The following FAT2 variants were observed in gnomAD, a reference collection of about 807,000 sequenced individuals.
The protein encoded by FAT2 is protocadherin Fat 2.
Under a neutral mutation model 295.3 loss-of-function variants are expected in FAT2, and 150 were observed. The ratio of observed to expected loss-of-function variants is 0.51; its 90% CI spans 0.44 to 0.58. The LOEUF is 0.58. Among genes scored for constraint, FAT2 ranks in the 20% least tolerant of loss-of-function variants. FAT2 has a pLI of 0.00. For missense variants in FAT2, 4,868 were observed against 5,442.7 expected (o/e 0.89, Z 3.32); for synonymous variants, 2,026 against 2,150.3 (o/e 0.94, Z 1.60).
At chr5:151,509,214 C>G (rs190424086) in intron 22 of FAT2, among the ~76,000 whole-genome samples, 2 of 152,328 alleles carry the variant, frequency 1.3e-5, no homozygotes, top group East Asian at 3.9e-4. Flanking sequence ...TTTCAGACTG[C>G]AGCAAGGACC....
chr5:151,559,447 G>A (rs1489739172), intron 3 of FAT2, among the ~76,000 whole-genome samples: 1 of 152,086 alleles, frequency 6.6e-6, no homozygotes, highest in Admixed American at 6.5e-5. Context: ...AGGGCCTGGG[G>A]TCCCCCAGGA....
rs375398312 is a variant in FAT2 at position 151,551,604 on chromosome 5, C to T, written c.4159G>A (p.Gly1387Arg). 6.2e-7 allele frequency: 1 copy of T among 1,614,128 alleles called. No homozygotes were observed. The highest frequency in any genetic ancestry group is 1.1e-5 in the South Asian group (1 of 91,074). Reference sequence around the variant, plus strand: ...ATGTCAAAGTCCATGTCCTTATCCCCACCTAGAGTGGGAGTGGGGAGAAAG... The same window carrying T: ...ATGTCAAAGTCCATGTCCTTATCCCTACCTAGAGTGGGAGTGGGGAGAAAG... ...PGLFWFNISG[G>R]DKDMDFDIEK... Residue 1387 changes from glycine to arginine, a missense_variant and splice_region_variant, in exon 7 of 24, where the codon GGG becomes AGG. Gly to Arg is a moderately radical substitution (Grantham distance 125, BLOSUM62 -2). Around this residue, in one of 5 missense-constraint regions of FAT2, gnomAD observed 3,297 missense variants for 3,669.4 expected, o/e 0.90. Coordinates refer to ENST00000261800, the MANE Select transcript of FAT2 (RefSeq NM_001447.3).
Position 151,544,752 on chromosome 5 carries a change from T to A in FAT2, c.6375A>T (p.Ile2125=). 6.2e-7 allele frequency: 1 copy of A among 1,614,194 alleles called. No individual in the cohort carries two copies. The highest frequency in any genetic ancestry group is 8.5e-7 in the Non-Finnish European group (1 of 1,180,038). ...YFRIDPYLGD[I]SLKKPFDYQA... The stretch of plus-strand genomic sequence containing the variant: ...GATAATCAAAGGGTTTCTTGAGTGA[T>A]ATGTCCCCAAGATAGGGGTCAATTC... Residue 2125 remains isoleucine (I), a synonymous_variant, in exon 10 of 24, where the codon ATA becomes ATT. Coordinates refer to ENST00000261800, the MANE Select transcript of FAT2 (RefSeq NM_001447.3).
intron 11 of FAT2, among the ~76,000 whole-genome samples, chr5:151,539,372 G>A (rs563129424): frequency 6.6e-6 from 1 of 152,326 alleles, no homozygotes; most frequent in South Asian, 2.1e-4. Context: ...GCAAGTCGAA[G>A]TTTGTATATA....
At position 151,543,102 on chromosome 5, in the gene FAT2, C is replaced by T. The variant is rs61743244; in HGVS notation, c.8025G>A (p.Val2675=). ...TAGGAACCACCTGAAGTCGTACTGG[C>T]ACCAGAGAGTTCCAGTGAGGAGGGC... The part of the protein sequence containing the change: ...DGGPPHWNSL[V]PVRLQVVPKK... Residue 2675 remains valine, a synonymous_variant, in exon 10 of 24, where the codon GTG becomes GTA. Coordinates refer to ENST00000261800, the MANE Select transcript of FAT2 (RefSeq NM_001447.3). The T allele has an allele frequency of 6.0e-4, 975 of 1,614,196 alleles. 5 individuals are homozygous for T. In the African/African-American group the frequency reaches 0.011, roughly 19 times the overall value.
chr5:151,577,367 T>C (rs1399062420), intron 1 of FAT2, among the ~76,000 whole-genome samples: 1 of 152,226 alleles, frequency 6.6e-6, no homozygotes, highest in Non-Finnish European at 1.5e-5. Context: ...CATTCATTCA[T>C]TTAATACTCA....
intron 4 of FAT2, among the ~76,000 whole-genome samples, chr5:151,555,085 CAT>C (rs1232384901): frequency 2.0e-5 from 3 of 152,186 alleles, no homozygotes; most frequent in African/African-American, 7.2e-5. Context: ...TTGAGTCAGA[CAT>C]GTGCACGTGG....
In FAT2 at chr5:151,566,709, G is replaced by T. The variant is rs201221295; in HGVS notation, c.2223C>A (p.Asp741Glu). Residue 741 changes from aspartate to glutamate, a missense_variant, in exon 2 of 24, where the codon GAC (aspartate) becomes GAA (glutamate). By Grantham distance (45) the Asp-to-Glu change is conservative. Around this residue, in one of 5 missense-constraint regions of FAT2, gnomAD observed 3,297 missense variants for 3,669.4 expected, o/e 0.90. Coordinates refer to ENST00000261800, the MANE Select transcript of FAT2 (RefSeq NM_001447.3). Reference sequence around the variant, plus strand: ...GTTTGCCATTAAAACCAGCATCAGGGTCAGTGGCTGCTAGGCGGGCCAAGG... The same window carrying T: ...GTTTGCCATTAAAACCAGCATCAGGTTCAGTGGCTGCTAGGCGGGCCAAGG... ...NTPLARLAATDPDAGFNGKLV... is the reference protein window; with the variant it reads ...NTPLARLAATEPDAGFNGKLV... The T allele has an allele frequency of 6.2e-7, 1 of 1,614,162 alleles. No individual in the cohort carries two copies.
rs756038214 is a variant in FAT2, at chr5:151,554,557, G to A, written c.3750C>T (p.Arg1250=). ...ACACAGGGCTCAGCCTCTCTGGAAG[G>A]CGGACATTGAAGAGCTTGTGGGAGA... is the stretch of plus-strand genomic sequence containing the variant. ...PIFSHKLFNV[R]LPERLSPVSP... The change falls in exon 5 of 24, where the codon CGC becomes CGT. Residue 1250 remains arginine, a synonymous_variant. Coordinates refer to ENST00000261800, the MANE Select transcript of FAT2 (RefSeq NM_001447.3). The A allele has an allele frequency of 4.3e-6, 7 of 1,614,194 alleles. No homozygotes were observed. In the South Asian group the frequency reaches 6.6e-5, roughly 15 times the overall value.
At chr5:151,528,306 G>C (rs1754238124) in intron 15 of FAT2, among the ~76,000 whole-genome samples, 173 bp from the exon 16 acceptor site, 1 of 152,154 alleles carries the variant, frequency 6.6e-6, no homozygotes, top group South Asian at 2.1e-4. Flanking sequence ...GTGGACTTCA[G>C]CATGCCATGG....
intron 11 of FAT2, 55 bp downstream of exon 11, chr5:151,540,512 T>C (rs2127601951): frequency 7.1e-7 from 1 of 1,410,322 alleles, no homozygotes; most frequent in Non-Finnish European, 9.7e-7. Context: ...CTCCCACCCC[T>C]CACTCTTATC....
chr5:151,509,927 C>T, intron 22 of FAT2, 94 bp downstream of exon 22: 1 of 1,431,142 alleles, frequency 7.0e-7, no homozygotes, highest in Non-Finnish European at 9.6e-7. Flanking sequence ...CTGCAGCACT[C>T]TCCCCTGGCC....
chr5:151,546,449 C>CATATAGTGTATACCCACCCTGG (rs1756642332), intron 9 of FAT2, 112 bp from the exon 10 acceptor site: 4 of 706,286 alleles, frequency 5.7e-6, no homozygotes, highest in South Asian at 5.6e-5. Context: ...GCAAAATCTG[C>CATATAGTGTATACCCACCCTGG]ATATAGTGTA....
chr5:151,507,757 T>C (rs1761012818), intron 22 of FAT2, 146 bp from the exon 23 acceptor site: 2 of 677,624 alleles, frequency 3.0e-6, no homozygotes, highest in Non-Finnish European at 4.9e-6. Flanking sequence ...CTATCAAGCA[T>C]ATCAACATCA....
At chr5:151,563,710 A>G (rs1383182377) in intron 2 of FAT2, 71 bp from the exon 3 acceptor site, 2 of 1,308,540 alleles carry the variant, frequency 1.5e-6, no homozygotes, top group East Asian at 2.3e-5. Flanking sequence ...ACCCTTACCC[A>G]CCATTCCCCA....
intron 2 of FAT2, 93 bp downstream of exon 2, chr5:151,565,580 A>T: frequency 7.7e-7 from 1 of 1,294,756 alleles, no homozygotes; most frequent in Non-Finnish European, 1.0e-6. Context: ...CTGCAGGCTG[A>T]CTCCTTTTTC....
chr5:151,592,158 C>T (rs957244703), upstream of FAT2, among the ~76,000 whole-genome samples: 2 of 152,140 alleles, frequency 1.3e-5, no homozygotes, highest in African/African-American at 4.8e-5. Context: ...TTCTGGCTCC[C>T]CATATAATTC....
At chr5:151,506,214 G>C (rs1760861131) in intron 23 of FAT2, 117 bp from the exon 24 acceptor site, 1 of 1,079,744 alleles carries the variant, frequency 9.3e-7, no homozygotes, top group Non-Finnish European at 1.3e-6. Context: ...GTGGGCATAG[G>C]CCCATCTGTG....
Position 151,567,522 on chromosome 5 carries a change from G to T in FAT2, c.1410C>A (p.Asn470Lys). 1 of 1,614,158 alleles carries T rather than the reference G, an allele frequency of 6.2e-7. No homozygotes were observed. The highest frequency in any genetic ancestry group is 8.5e-7 in the Non-Finnish European group (1 of 1,180,024). The change falls in exon 2 of 24, where the codon AAC (asparagine) becomes AAA (lysine). Residue 470 changes from asparagine (N) to lysine (K), a missense_variant. Around this residue, in one of 5 missense-constraint regions of FAT2, gnomAD observed 3,297 missense variants for 3,669.4 expected, o/e 0.90. Transcript: ENST00000261800. Reference protein sequence around the residue: ...RSSYDGTLDENIPPGTSVLAV... With the variant: ...RSSYDGTLDEKIPPGTSVLAV... The stretch of plus-strand genomic sequence containing the variant: ...CCAAAACACTGGTGCCTGGAGGGAT[G>T]TTCTCATCCAAGGTACCATCATAGG...
Sources: gnomAD v4.1 joint callset for allele counts (sites outside exome capture counted in the v4.1 genomes callset) on GRCh38, gnomAD v4.1.1 for gene constraint, gnomAD v4.1.1 regional missense constraint, MANE v1.5 for transcripts, NCBI Gene and HGNC (gene_info 2026-07-23, HGNC 2026-07-21) for gene names.